Variants in CKAP5 observed in about 807,000 individuals in gnomAD.
The protein encoded by CKAP5 is cytoskeleton-associated protein 5.
CKAP5 carries 27 observed loss-of-function variants against 232.8 expected under a neutral mutation model. The ratio of observed to expected loss-of-function variants is 0.12; its 90% CI spans 0.09 to 0.16. CKAP5 has a LOEUF of 0.16. CKAP5 is among the 10% of genes least tolerant of loss of function. The pLI is 1.00. For synonymous variants in CKAP5, 785 were observed against 841.1 expected, an observed-to-expected ratio of 0.93 and a Z score of 1.16; for missense variants, 1,838 against 2,424.7, an observed-to-expected ratio of 0.76 and a Z score of 5.08.
intron 1 of CKAP5, 38 bp from the exon 2 acceptor site, chr11:46,821,306 G>T (rs2134690976): frequency 2.1e-6 from 2 of 975,498 alleles, no homozygotes; most frequent in African/African-American, 1.7e-5. Context: ...TAGCAACCAG[G>T]CAGTCTCTTA....
In CKAP5 at chr11:46,765,270, T is replaced by C. The variant is rs1327874208; in HGVS notation, c.3412-14A>G. On this transcript the variant is annotated splice_polypyrimidine_tract_variant and intron_variant, in intron 27 of 43. Transcript: ENST00000529230. ...CCCTTGTGCACTCTACAACCAAGGT[T>C]CAGGGAATACTGATTAGCTTGGCCA... 3.1e-6 allele frequency: 5 copies of C among 1,600,592 alleles called. No homozygotes were observed. Among genetic ancestry groups the C allele is most frequent in the African/African-American group, 1.3e-5 (1 of 74,230 alleles).
chr11:46,786,890 G>A lies in CKAP5; in HGVS notation c.1968+1791C>T, dbSNP rs146959509. ...GATCACATTGGTTCAAGGCATTTAA[G>A]AAAATCTCTCCAGTCATTAGCTGGT... On this transcript the variant is annotated intron_variant, in intron 16 of 43. Coordinates refer to ENST00000529230, the MANE Select transcript of CKAP5 (RefSeq NM_001008938.4). Among the ~76,000 whole-genome samples, 1,043 of 152,278 alleles carry A rather than the reference G, an allele frequency of 6.8e-3. 38 individuals are homozygous for A. Among genetic ancestry groups the A allele is most frequent in the Admixed American group, 0.059 (900 of 15,280 alleles).
intron 24 of CKAP5, among the ~76,000 whole-genome samples, chr11:46,775,368 G>A (rs755698479): frequency 6.6e-6 from 1 of 152,164 alleles, no homozygotes; most frequent in Non-Finnish European, 1.5e-5. Flanking sequence ...CTTTTACACT[G>A]TTGGCTGGAG....
chr11:46,752,607 A>T (rs1027946948), intron 38 of CKAP5, 28 bp downstream of exon 38: 2 of 1,568,046 alleles, frequency 1.3e-6, no homozygotes, highest in Admixed American at 3.4e-5. Context: ...TCTTTGAAAG[A>T]AAAGAGATCA....
chr11:46,758,812 G>A (rs1031858967), intron 35 of CKAP5, 111 bp downstream of exon 35: 8 of 1,249,034 alleles, frequency 6.4e-6, no homozygotes, highest in African/African-American at 1.5e-5. Flanking sequence ...GGGAAAGTAT[G>A]AAACACTGCC....
chr11:46,819,707 A>T (rs1249676491), intron 2 of CKAP5, among the ~76,000 whole-genome samples: 1 of 152,076 alleles, frequency 6.6e-6, no homozygotes, highest in African/African-American at 2.4e-5. Flanking sequence ...GATTTGGGGC[A>T]GGTGCTATGC....
chr11:46,815,886 T>G (rs904817114), intron 4 of CKAP5, among the ~76,000 whole-genome samples: 1 of 152,208 alleles, frequency 6.6e-6, no homozygotes, highest in African/African-American at 2.4e-5. Flanking sequence ...TACAGTGGCC[T>G]GTTAGGAACC....
At chr11:46,790,033 T>C in intron 15 of CKAP5, 43 bp downstream of exon 15, 6 of 1,297,276 alleles carry the variant, frequency 4.6e-6, no homozygotes, top group Non-Finnish European at 6.6e-6. Flanking sequence ...TGCTTCCATA[T>C]AATCTAATTT....
At chr11:46,753,594 A>ATTT in intron 36 of CKAP5, 97 bp from the exon 37 acceptor site, 2 of 896,914 alleles carry the variant, frequency 2.2e-6, no homozygotes, top group Non-Finnish European at 3.2e-6. Flanking sequence ...ATTATGTTGT[A>ATTT]TTTTTTTTTT....
intron 28 of CKAP5, among the ~76,000 whole-genome samples, chr11:46,763,982 T>G (rs1444604673): frequency 6.6e-6 from 1 of 152,090 alleles, no homozygotes; most frequent in East Asian, 1.9e-4. Context: ...ACTACAGACA[T>G]GCACCACTAT....
At chr11:46,813,609 G>C (rs976967078) in intron 4 of CKAP5, among the ~76,000 whole-genome samples, 14 of 152,208 alleles carry the variant, frequency 9.2e-5, no homozygotes, top group African/African-American at 2.9e-4. Flanking sequence ...CAAGCAGTTT[G>C]GCCTCAAGGT....
At chr11:46,755,608 G>A (rs533285894) in intron 35 of CKAP5, among the ~76,000 whole-genome samples, 1 of 151,614 alleles carries the variant, frequency 6.6e-6, no homozygotes, top group African/African-American at 2.4e-5. Flanking sequence ...ATTCTAAGAG[G>A]CTCATTGTCT....
At chr11:46,751,609 G>A (rs1393149582) in intron 38 of CKAP5, 75 bp from the exon 39 acceptor site, 4 of 1,256,646 alleles carry the variant, frequency 3.2e-6, no homozygotes, top group Non-Finnish European at 4.4e-6. Flanking sequence ...TCTTCCCTAA[G>A]CTTTGAGCTC....
chr11:46,782,972 G>A (rs1406045165), intron 18 of CKAP5, among the ~76,000 whole-genome samples: 1 of 152,148 alleles, frequency 6.6e-6, no homozygotes, highest in Non-Finnish European at 1.5e-5. Context: ...TTAAACAAAT[G>A]TAATTATATA....
chr11:46,821,782 T>TA (rs1466615749), intron 1 of CKAP5, among the ~76,000 whole-genome samples: 2 of 151,928 alleles, frequency 1.3e-5, no homozygotes, highest in Non-Finnish European at 2.9e-5. Flanking sequence ...CTCATGCCTG[T>TA]AATCTCAGCA....
chr11:46,745,868 C>G (rs1179491915), intron 42 of CKAP5, among the ~76,000 whole-genome samples: 2 of 152,184 alleles, frequency 1.3e-5, no homozygotes, highest in Non-Finnish European at 2.9e-5. Flanking sequence ...ATGAGAATCA[C>G]TTGAACCCAG....
chr11:46,752,191 T>TATATATACAC (rs1555160680), intron 38 of CKAP5, among the ~76,000 whole-genome samples: 1 of 73,166 alleles, frequency 1.4e-5, no homozygotes, highest in African/African-American at 4.5e-5. Context: ...TATATATATA[T>TATATATACAC]ATACACACAC....
chr11:46,763,094 G>A lies in CKAP5; in HGVS notation c.3773C>T (p.Thr1258Ile). The change falls in exon 30 of 44, where the codon ACA (threonine) becomes ATA (isoleucine). Residue 1258 changes from threonine (T) to isoleucine (I), a missense_variant. This residue lies in a region of CKAP5 where 48 missense variants were observed against 98.1 expected (regional missense o/e 0.49). Coordinates refer to ENST00000529230, the MANE Select transcript of CKAP5 (RefSeq NM_001008938.4). Reference sequence around the variant, plus strand: ...TTCTAGTGCTTTCATCAGGACGCTTGTATTGGTGTCAAAAAACCTCAGGGT... The same window carrying A: ...TTCTAGTGCTTTCATCAGGACGCTTATATTGGTGTCAAAAAACCTCAGGGT... ...WLTLRFFDTN[T>I]SVLMKALEYL... is the part of the protein sequence containing the mutation. 1 of 1,613,506 alleles carries A rather than the reference G, an allele frequency of 6.2e-7. No individual in the cohort carries two copies. Among genetic ancestry groups the A allele is most frequent in the Non-Finnish European group, 8.5e-7 (1 of 1,179,474 alleles).
rs781066908 is a variant in CKAP5, at chr11:46,778,179, G to A, written c.2708C>T (p.Thr903Ile). 1.2e-6 allele frequency: 2 copies of A among 1,614,056 alleles called. No individual in the cohort carries two copies. Among genetic ancestry groups the A allele is most frequent in the Non-Finnish European group, 1.7e-6 (2 of 1,179,986 alleles). ...ATCATTGAGTCGACCCTTCAAGGCA[G>A]TTGGAAGTTCACCTATATTCGGTTG... The part of the protein sequence containing the change: ...FIQPNIGELP[T>I]ALKGRLNDSN... The change falls in exon 22 of 44, where the codon ACT (threonine) becomes ATT (isoleucine). Residue 903 changes from threonine to isoleucine, a missense_variant. This residue lies in a region of CKAP5 where 767 missense variants were observed against 954.6 expected (regional missense o/e 0.80). Transcript: ENST00000529230.
Sources: gnomAD v4.1 joint callset for allele counts (sites outside exome capture counted in the v4.1 genomes callset) on GRCh38, gnomAD v4.1.1 for gene constraint, gnomAD v4.1.1 regional missense constraint, MANE v1.5 for transcripts, NCBI Gene and HGNC (gene_info 2026-07-23, HGNC 2026-07-21) for gene names.